The following AHI1 variants were observed in gnomAD, a reference collection of about 807,000 sequenced individuals.
AHI1 encodes the protein Abelson helper integration site 1, also known as jouberin.
AHI1 carries 123 observed loss-of-function variants against 149.3 expected under a neutral mutation model. The observed-to-expected ratio is 0.82, with a 90% CI of 0.71 to 0.96. The LOEUF (loss-of-function observed/expected upper bound fraction) is 0.96. AHI1 is among the 40% of genes least tolerant of loss of function. The pLI is 0.00. For missense variants in AHI1, 1,439 were observed against 1,422.7 expected, an observed-to-expected ratio of 1.01 and a Z score of -0.18; for synonymous variants, 475 against 459.8, an observed-to-expected ratio of 1.03 and a Z score of -0.42.
At chr6:135,369,131 G>A (rs1428967031) in intron 23 of AHI1, among the ~76,000 whole-genome samples, 5 of 152,174 alleles carry the variant, frequency 3.3e-5, no homozygotes. Flanking sequence ...ATTTCACTCG[G>A]CTCTCTAAAT....
intron 3 of AHI1, among the ~76,000 whole-genome samples, chr6:135,494,330 C>T (rs911481419): frequency 1.3e-5 from 2 of 152,208 alleles, no homozygotes; most frequent in Non-Finnish European, 2.9e-5. Context: ...TTAGCTATAA[C>T]TGTAACAGGT....
At chr6:135,482,243 T>A (rs1216535768) in intron 5 of AHI1, among the ~76,000 whole-genome samples, 1 of 152,132 alleles carries the variant, frequency 6.6e-6, no homozygotes. Context: ...CCTCTCCAAC[T>A]CCTATTCCAA....
chr6:135,394,704 ATAAG>A, intron 23 of AHI1, 68 bp downstream of exon 23: 2 of 1,570,266 alleles, frequency 1.3e-6, no homozygotes, highest in Non-Finnish European at 1.7e-6. Flanking sequence ...TTCTAAAGAA[ATAAG>A]TGATATTCAT....
intron 26 of AHI1, among the ~76,000 whole-genome samples, chr6:135,315,867 T>TTA (rs1484383313): frequency 6.6e-6 from 1 of 152,204 alleles, no homozygotes; most frequent in African/African-American, 2.4e-5. Context: ...ACTTCAACCC[T>TTA]TTATTAACTT....
At chr6:135,332,725 G>C (rs1258229319) in intron 24 of AHI1, among the ~76,000 whole-genome samples, 3 of 152,310 alleles carry the variant, frequency 2.0e-5, no homozygotes, top group Non-Finnish European at 2.9e-5. Context: ...ACAACAAAAA[G>C]TAACCTGAAG....
intron 23 of AHI1, among the ~76,000 whole-genome samples, chr6:135,376,921 A>AAAAAAAAAAAT (rs1776025303): frequency 7.8e-6 from 1 of 128,690 alleles, no homozygotes; most frequent in African/African-American, 2.9e-5. Context: ...AAAAAAAAAA[A>AAAAAAAAAAAT]GTTGGTCCAG....
chr6:135,471,869 G>A lies in AHI1; in HGVS notation c.136-4235C>T, dbSNP rs183843588. ...CTACTAAAAATACAAAAAATTAGCC[G>A]GGCGCGGTGGCGGGCACCTGTAGTC... On this transcript the variant is annotated intron_variant, in intron 5 of 28. Transcript: ENST00000265602. Among the ~76,000 whole-genome samples the A allele has an allele frequency of 3.0e-3, 450 of 151,318 alleles. 6 individuals are homozygous for A. Among genetic ancestry groups the A allele is most frequent in the Middle Eastern group, 0.014 (4 of 292 alleles).
intron 4 of AHI1, 112 bp from the exon 5 acceptor site, chr6:135,490,859 G>T: frequency 7.7e-7 from 1 of 1,305,880 alleles, no homozygotes; most frequent in Non-Finnish European, 1.0e-6. Context: ...GAGTTCTCTA[G>T]CTACATTAGA....
chr6:135,462,043 A>C (rs1789976776), intron 8 of AHI1, among the ~76,000 whole-genome samples: 1 of 152,026 alleles, frequency 6.6e-6, no homozygotes, highest in Non-Finnish European at 1.5e-5. Flanking sequence ...TATGTATATG[A>C]GTATACTGCT....
intron 23 of AHI1, among the ~76,000 whole-genome samples, chr6:135,359,544 A>G (rs1268808654): frequency 1.3e-5 from 2 of 152,176 alleles, no homozygotes; most frequent in African/African-American, 2.4e-5. Context: ...GTAGATTCCT[A>G]TTGTAAGATT....
chr6:135,353,695 G>A (rs1201132418), intron 24 of AHI1, among the ~76,000 whole-genome samples: 1 of 151,962 alleles, frequency 6.6e-6, no homozygotes, highest in Non-Finnish European at 1.5e-5. Flanking sequence ...AAGAGATTCA[G>A]GATAAAATTT....
chr6:135,414,162 G>T (rs2127981443), intron 20 of AHI1, among the ~76,000 whole-genome samples: 1 of 152,218 alleles, frequency 6.6e-6, no homozygotes, highest in South Asian at 2.1e-4. Flanking sequence ...AGTGCCCAGG[G>T]TGTATAGACA....
At chr6:135,466,462 G>A (rs1790787532) in intron 6 of AHI1, 89 bp from the exon 7 acceptor site, 6 of 1,161,616 alleles carry the variant, frequency 5.2e-6, no homozygotes, top group Middle Eastern at 2.4e-4. Context: ...TTGACAATGT[G>A]GAATTATTGG....
At chr6:135,322,267 T>C (rs938112549) in intron 25 of AHI1, among the ~76,000 whole-genome samples, 1 of 152,226 alleles carries the variant, frequency 6.6e-6, no homozygotes, top group African/African-American at 2.4e-5. Context: ...CCCTGAGTGT[T>C]GTGCTTTTCC....
chr6:135,350,862 C>A lies in AHI1; in HGVS notation c.3165+7270G>T, dbSNP rs994058876. 3.3e-5 allele frequency among the ~76,000 whole-genome samples: 5 copies of A among 152,002 alleles called. No homozygotes were observed. The South Asian group carries it at 1.0e-3, about 32-fold the overall frequency. The stretch of plus-strand genomic sequence containing the variant: ...CAGACAGACAGCAGATCATGCAAAG[C>A]CCTATAGGCCCTAGGAAAGGGTTTG... On this transcript the variant is annotated intron_variant, in intron 24 of 28. Coordinates refer to ENST00000265602, the MANE Select transcript of AHI1 (RefSeq NM_001134831.2).
At chr6:135,418,711 G>T (rs1394675703) in intron 20 of AHI1, among the ~76,000 whole-genome samples, 2 of 151,920 alleles carry the variant, frequency 1.3e-5, no homozygotes, top group Non-Finnish European at 2.9e-5. Flanking sequence ...TAACAATAAG[G>T]TTCCCCTTTG....
intron 24 of AHI1, among the ~76,000 whole-genome samples, chr6:135,339,664 TG>T (rs1449871386): frequency 1.3e-5 from 2 of 152,000 alleles, no homozygotes; most frequent in Non-Finnish European, 2.9e-5. Flanking sequence ...TGAACAAAAA[TG>T]AACAGAGCCT....
rs1333163387 is a variant in AHI1 at position 135,385,252 on chromosome 6, T to TAA, written c.3109+9522_3109+9523dup. On this transcript the variant is annotated intron_variant, in intron 23 of 28. Transcript: ENST00000265602. ...ATCTGAAAATCACTGGCATATGAGT[T>TAA]AAAGTCATGGGATCACTAAGGGAGT... Among the ~76,000 whole-genome samples, 4 of 152,244 alleles carry TAA rather than the reference T, an allele frequency of 2.6e-5. No individual in the cohort carries two copies. In the East Asian group the frequency reaches 7.7e-4, roughly 29 times the overall value.
chr6:135,396,946 G>GAT (rs201623026), intron 22 of AHI1, among the ~76,000 whole-genome samples: 1,844 of 151,654 alleles, frequency 0.012, 41 homozygotes, highest in African/African-American at 0.041. Context: ...GTTAAAATAG[G>GAT]ATACTTAAAT....
Sources: gnomAD v4.1 joint callset for allele counts (sites outside exome capture counted in the v4.1 genomes callset) on GRCh38, gnomAD v4.1.1 for gene constraint, MANE v1.5 for transcripts, NCBI Gene and HGNC (gene_info 2026-07-23, HGNC 2026-07-21) for gene names.